Variants in TIAM1 observed in about 807,000 individuals in gnomAD.
TIAM1 encodes rho guanine nucleotide exchange factor TIAM1.
In TIAM1, 65 loss-of-function variants were observed where a neutral mutation model predicts 163.5. The observed-to-expected ratio is 0.40, with a 90% CI of 0.33 to 0.49. TIAM1 has a LOEUF of 0.49. TIAM1 is among the 20% of genes least tolerant of loss of function. TIAM1 has a pLI of 0.77. For missense variants in TIAM1, 1,789 were observed against 2,044.7 expected, an observed-to-expected ratio of 0.87 and a Z score of 2.41; for synonymous variants, 833 against 810.1, an observed-to-expected ratio of 1.03 and a Z score of -0.48.
At chr21:31,233,340 T>C (rs1239918641) in intron 6 of TIAM1, among the ~76,000 whole-genome samples, 1 of 152,224 alleles carries the variant, frequency 6.6e-6, no homozygotes, top group Non-Finnish European at 1.5e-5. Context: ...AAAAGGCTTT[T>C]TTCTTGTTGA....
At chr21:31,139,949 G>A (rs2082771008) in intron 22 of TIAM1, among the ~76,000 whole-genome samples, 1 of 152,136 alleles carries the variant, frequency 6.6e-6, no homozygotes, top group African/African-American at 2.4e-5. Context: ...GGAAAAACCA[G>A]TTTGTCTCAT....
chr21:31,455,386 C>T (rs2045055522), intron 2 of TIAM1, among the ~76,000 whole-genome samples: 1 of 150,412 alleles, frequency 6.6e-6, no homozygotes, highest in Non-Finnish European at 1.5e-5. Context: ...AGATGAGTGG[C>T]AATATGAGTA....
At chr21:31,221,802 C>T (rs1601602630) in intron 8 of TIAM1, among the ~76,000 whole-genome samples, 1 of 152,258 alleles carries the variant, frequency 6.6e-6, no homozygotes, top group Middle Eastern at 3.4e-3. Context: ...AGAAGAATTT[C>T]TATCCTAGTT....
At chr21:31,127,490 C>T (rs1488866681) in intron 25 of TIAM1, among the ~76,000 whole-genome samples, 4 of 151,170 alleles carry the variant, frequency 2.6e-5, no homozygotes, top group South Asian at 2.1e-4. Flanking sequence ...GTGATCTCAG[C>T]TCACTGCAAC....
At chr21:31,362,478 T>TATTATTATA (rs944079739) in intron 2 of TIAM1, among the ~76,000 whole-genome samples, 2 of 142,802 alleles carry the variant, frequency 1.4e-5, no homozygotes, top group East Asian at 2.0e-4. Context: ...TTATTATTAT[T>TATTATTATA]ATATTTGAGA....
chr21:31,474,428 C>T (rs1325391504), intron 1 of TIAM1, among the ~76,000 whole-genome samples: 2 of 152,128 alleles, frequency 1.3e-5, no homozygotes, highest in Non-Finnish European at 2.9e-5. Flanking sequence ...CCTCAGTTTC[C>T]TCATCTGTAA....
chr21:31,468,278 C>G (rs1056575707), intron 1 of TIAM1, among the ~76,000 whole-genome samples: 1 of 151,540 alleles, frequency 6.6e-6, no homozygotes, highest in African/African-American at 2.4e-5. Flanking sequence ...GAGTTCAAGA[C>G]TAGCCTAGCC....
chr21:31,258,543 T>C (rs181608881), intron 4 of TIAM1, among the ~76,000 whole-genome samples: 3 of 152,288 alleles, frequency 2.0e-5, no homozygotes, highest in Admixed American at 2.0e-4. Flanking sequence ...GTAAGAAAGA[T>C]ATATTAGGCT....
At chr21:31,410,130 G>C (rs1306076241) in intron 2 of TIAM1, among the ~76,000 whole-genome samples, 2 of 151,618 alleles carry the variant, frequency 1.3e-5, no homozygotes, top group Non-Finnish European at 1.5e-5. Flanking sequence ...AGTGTGGAGA[G>C]TGTGAGTGTA....
chr21:31,450,403 G>C (rs933142), intron 2 of TIAM1, among the ~76,000 whole-genome samples: 69,959 of 151,976 alleles, frequency 0.46, 16,934 homozygotes, highest in East Asian at 0.77. Flanking sequence ...GTTAGGAAGT[G>C]TCACTCTTGC....
At chr21:31,529,187 G>A (rs2047894775) in intron 1 of TIAM1, among the ~76,000 whole-genome samples, 2 of 151,782 alleles carry the variant, frequency 1.3e-5, no homozygotes, top group African/African-American at 2.4e-5. Flanking sequence ...CCAAAGTGCT[G>A]GGATTACAGG....
chr21:31,195,192 C>G (rs1374736484), intron 13 of TIAM1, 32 bp downstream of exon 13: 3 of 1,552,562 alleles, frequency 1.9e-6, no homozygotes, highest in Non-Finnish European at 2.7e-6. Context: ...AATACTTTAC[C>G]TTAAAACACA....
chr21:31,318,420 G>A (rs1283170726), intron 2 of TIAM1, among the ~76,000 whole-genome samples: 2 of 152,186 alleles, frequency 1.3e-5, no homozygotes, highest in Non-Finnish European at 2.9e-5. Flanking sequence ...ATAAAATTCT[G>A]TCATTCAAAG....
At chr21:31,441,389 C>T (rs991600797) in intron 2 of TIAM1, among the ~76,000 whole-genome samples, 2 of 152,174 alleles carry the variant, frequency 1.3e-5, no homozygotes, top group Admixed American at 6.5e-5. Flanking sequence ...GGCTGCATGG[C>T]TTGACTCTAG....
At chr21:31,333,561 CT>C (rs2075747221) in intron 2 of TIAM1, among the ~76,000 whole-genome samples, 1 of 152,146 alleles carries the variant, frequency 6.6e-6, no homozygotes, top group Non-Finnish European at 1.5e-5. Flanking sequence ...CCTCAGCTTC[CT>C]GCGTAGCTGG....
At chr21:31,243,935 G>A (rs1045539014) in intron 6 of TIAM1, among the ~76,000 whole-genome samples, 1 of 152,198 alleles carries the variant, frequency 6.6e-6, no homozygotes, top group Non-Finnish European at 1.5e-5. Flanking sequence ...AAAGTGTCCT[G>A]GCTTGGATGA....
At chr21:31,354,589 T>A (rs1301712788) in intron 2 of TIAM1, among the ~76,000 whole-genome samples, 3 of 152,016 alleles carry the variant, frequency 2.0e-5, no homozygotes, top group Non-Finnish European at 4.4e-5. Flanking sequence ...TGGTTCACAA[T>A]CAAAAGAAAT....
At chr21:31,402,773 C>T (rs1206144139) in intron 2 of TIAM1, among the ~76,000 whole-genome samples, 1 of 151,836 alleles carries the variant, frequency 6.6e-6, no homozygotes, top group Non-Finnish European at 1.5e-5. Context: ...CATGGTGAAA[C>T]CCCGTCTCTA....
Position 31,510,273 on chromosome 21 carries a change from C to T in TIAM1, c.-421-46238G>A, listed in dbSNP as rs184801152. On this transcript the variant is annotated intron_variant, in intron 1 of 28. Coordinates refer to the TIAM1 transcript ENST00000286827. ...TGGCAGATGGCTGCCTTCTTTCTCGCTGTGTCCTCACACAGCCTCTCCTCT... is the reference window on the plus strand; with the variant it reads ...TGGCAGATGGCTGCCTTCTTTCTCGTTGTGTCCTCACACAGCCTCTCCTCT... Among the ~76,000 whole-genome samples the T allele has an allele frequency of 6.0e-4, 92 of 152,336 alleles. 1 individual carries two copies. The highest frequency in any genetic ancestry group is 2.1e-3 in the African/African-American group (87 of 41,578).
Sources: allele counts gnomAD v4.1 joint callset (sites outside exome capture counted in the v4.1 genomes callset), GRCh38; gene constraint gnomAD v4.1.1; transcripts MANE v1.5; gene names NCBI Gene and HGNC (gene_info 2026-07-23, HGNC 2026-07-21).